PADI1: variants seen among roughly 807,000 people sequenced by gnomAD.
PADI1 encodes peptidyl arginine deiminase 1.
PADI1 carries 65 observed loss-of-function variants against 74.8 expected under a neutral mutation model. The ratio of observed to expected loss-of-function variants is 0.87; its 90% CI spans 0.71 to 1.07. The LOEUF (loss-of-function observed/expected upper bound fraction) is 1.07. PADI1 is among the 50% of genes least tolerant of loss of function. The pLI, the probability that PADI1 is intolerant of heterozygous loss-of-function variation, is 0.00. For missense variants in PADI1, 943 were observed against 854.0 expected (o/e 1.10, Z -1.30); for synonymous variants, 371 against 336.2 (o/e 1.10, Z -1.13).
chr1:17,212,515 C>T (rs1029969472), intron 1 of PADI1, among the ~76,000 whole-genome samples: 3 of 152,076 alleles, frequency 2.0e-5, no homozygotes, highest in Non-Finnish European at 4.4e-5. Context: ...GGAAGCATTC[C>T]TCTGTGACTG....
At chr1:17,230,493 C>T in intron 9 of PADI1, 79 bp from the exon 10 acceptor site, 2 of 1,006,862 alleles carry the variant, frequency 2.0e-6, no homozygotes, top group Non-Finnish European at 2.9e-6. Context: ...CTGCCCTGCC[C>T]CAGGCCTGGT....
chr1:17,240,114 G>C (rs76334144), intron 14 of PADI1: 1 of 311,856 alleles, frequency 3.2e-6, no homozygotes, highest in East Asian at 6.2e-5. Flanking sequence ...AGGACCTTGA[G>C]GGGCCCAGAG....
rs1054657142 is a variant in PADI1 at position 17,244,975 on chromosome 1, C to G, written c.*732C>G. 5.8e-6 allele frequency: 1 copy of G among 172,022 alleles called. No individual in the cohort carries two copies. The highest frequency in any genetic ancestry group is 1.2e-5 in the Non-Finnish European group (1 of 80,172). 10.7% of individuals were successfully genotyped at this position (172,022 alleles called of 1,614,324 possible). On this transcript the variant is annotated 3_prime_UTR_variant, in exon 16 of 16. Coordinates refer to ENST00000375471, the MANE Select transcript of PADI1 (RefSeq NM_013358.3). The stretch of plus-strand genomic sequence containing the variant: ...CAGCTCAGAAATGCTGAGAAGCCAA[C>G]GTGAGGCCTGAGGACACACAAAGGA...
chr1:17,213,390 C>A (rs2071884886), intron 1 of PADI1, among the ~76,000 whole-genome samples: 1 of 152,206 alleles, frequency 6.6e-6, no homozygotes, highest in African/African-American at 2.4e-5. Context: ...CCCTCTTCAA[C>A]AGACAGATAA....
intron 1 of PADI1, among the ~76,000 whole-genome samples, chr1:17,214,121 C>T (rs989520377): frequency 1.3e-5 from 2 of 152,186 alleles, no homozygotes; most frequent in Non-Finnish European, 2.9e-5. Flanking sequence ...TAATTGTAAC[C>T]ATGGTGACAG....
intron 15 of PADI1, among the ~76,000 whole-genome samples, chr1:17,243,357 G>A (rs112168305): frequency 6.6e-5 from 10 of 152,322 alleles, no homozygotes; most frequent in African/African-American, 2.4e-4. Flanking sequence ...CAGTCCCACA[G>A]GTGGCCAGAT....
In PADI1 at chr1:17,240,551, C is replaced by A. The variant is rs868032646; in HGVS notation, c.1633-84C>A. The A allele has an allele frequency of 4.7e-5, 70 of 1,499,854 alleles. No homozygotes were observed. The African/African-American group carries it at 8.7e-4, about 19-fold the overall frequency. 92.9% of individuals were successfully genotyped at this position (1,499,854 alleles called of 1,614,324 possible). Reference sequence around the variant, plus strand: ...AAGGAGCTAGCGGGCCCAGAGGGCTCCACACGGGCCCAGCGCACAGTAGGT... The same window carrying A: ...AAGGAGCTAGCGGGCCCAGAGGGCTACACACGGGCCCAGCGCACAGTAGGT... On this transcript the variant is annotated intron_variant, in intron 14 of 15. Transcript: ENST00000375471.
intron 1 of PADI1, among the ~76,000 whole-genome samples, chr1:17,221,675 C>T (rs986775973): frequency 1.3e-5 from 2 of 151,962 alleles, no homozygotes; most frequent in South Asian, 2.1e-4. Context: ...GCAGCAGGAG[C>T]GGGCAGTGCC....
At chr1:17,232,313 T>A (rs974156986) in intron 10 of PADI1, among the ~76,000 whole-genome samples, 2 of 152,162 alleles carry the variant, frequency 1.3e-5, no homozygotes, top group Admixed American at 6.5e-5. Flanking sequence ...CAATCCTAGC[T>A]CACTGCAGTC....
At chr1:17,242,796 A>G (rs1001307459) in intron 15 of PADI1, among the ~76,000 whole-genome samples, 4 of 152,202 alleles carry the variant, frequency 2.6e-5, no homozygotes, top group Non-Finnish European at 1.5e-5. Context: ...CTCCTCCTTT[A>G]GGAGGAAGCA....
chr1:17,213,392 G>C (rs2071885066), intron 1 of PADI1, among the ~76,000 whole-genome samples: 1 of 152,158 alleles, frequency 6.6e-6, no homozygotes, highest in South Asian at 2.1e-4. Context: ...CTCTTCAACA[G>C]ACAGATAAAC....
Position 17,232,986 on chromosome 1 carries a change from G to A in PADI1, c.1313+16G>A, listed in dbSNP as rs771887406. 19 of 1,581,674 alleles carry A rather than the reference G, an allele frequency of 1.2e-5. 1 individual carries two copies. Among genetic ancestry groups the A allele is most frequent in the Admixed American group, 1.1e-4 (6 of 56,556 alleles). ...GCTTCCCCAAGTGAGGGGCTGGGGC[G>A]GGAGGTGGGGAGGCACAAGGGAATG... On this transcript the variant is annotated intron_variant, in intron 11 of 15. Transcript: ENST00000375471.
intron 13 of PADI1, 106 bp from the exon 14 acceptor site, chr1:17,239,598 G>T (rs2072729227): frequency 1.2e-6 from 1 of 812,948 alleles, no homozygotes; most frequent in South Asian, 1.5e-5. Flanking sequence ...TCTGACCCTG[G>T]CACTGAGGTA....
chr1:17,238,990 G>T (rs2072716553), intron 13 of PADI1, among the ~76,000 whole-genome samples: 1 of 152,176 alleles, frequency 6.6e-6, no homozygotes, highest in Non-Finnish European at 1.5e-5. Context: ...CCTTATCCCT[G>T]TTCACAGAAG....
At chr1:17,226,197 C>T in intron 6 of PADI1, 39 bp downstream of exon 6, 1 of 1,601,400 alleles carries the variant, frequency 6.2e-7, no homozygotes, top group Non-Finnish European at 8.5e-7. Flanking sequence ...CCAGCTCCAT[C>T]CATATCTATC....
intron 1 of PADI1, among the ~76,000 whole-genome samples, chr1:17,205,982 G>C (rs1347096057): frequency 6.6e-6 from 1 of 152,146 alleles, no homozygotes; most frequent in Non-Finnish European, 1.5e-5. Context: ...TTCTCCTGTT[G>C]ACCCAAATCT....
At chr1:17,240,440 G>T in intron 14 of PADI1, 195 bp from the exon 15 acceptor site, 1 of 557,558 alleles carries the variant, frequency 1.8e-6, no homozygotes, top group South Asian at 2.4e-5. Context: ...GCACATCCTA[G>T]CCTTGTGCAC....
chr1:17,212,654 T>G (rs1289024681), intron 1 of PADI1, among the ~76,000 whole-genome samples: 1 of 152,114 alleles, frequency 6.6e-6, no homozygotes, highest in African/African-American at 2.4e-5. Flanking sequence ...AGGAAAAGCT[T>G]TCTAATTACC....
At chr1:17,218,647 T>C (rs1037397555) in intron 1 of PADI1, among the ~76,000 whole-genome samples, 1 of 151,914 alleles carries the variant, frequency 6.6e-6, no homozygotes, top group Non-Finnish European at 1.5e-5. Flanking sequence ...TAGAGGCAGG[T>C]TGCAGACGCA....
Sources: allele counts gnomAD v4.1 joint callset (sites outside exome capture counted in the v4.1 genomes callset), GRCh38; gene constraint gnomAD v4.1.1; transcripts MANE v1.5; gene names NCBI Gene and HGNC (gene_info 2026-07-23, HGNC 2026-07-21).